DIP2C: variants seen among roughly 807,000 people sequenced by gnomAD.
The protein encoded by DIP2C is DIP2 acetate--CoA ligase C (putative).
In DIP2C, 33 loss-of-function variants were observed where a neutral mutation model predicts 192.4. The observed-to-expected ratio is 0.17, with a 90% CI of 0.13 to 0.23. The LOEUF is 0.23. Among genes scored for constraint, DIP2C ranks in the 10% least tolerant of loss-of-function variants. DIP2C has a pLI of 1.00. For synonymous variants in DIP2C, 979 were observed against 864.1 expected (o/e 1.13, Z -2.33); for missense variants, 1,537 against 2,110.1 (o/e 0.73, Z 5.32).
chr10:488,961 T>G (rs1378374973), intron 1 of DIP2C, among the ~76,000 whole-genome samples: 1 of 151,710 alleles, frequency 6.6e-6, no homozygotes, highest in Non-Finnish European at 1.5e-5. Context: ...TGGCTGGGAG[T>G]GCGCTGAAGA....
intron 1 of DIP2C, among the ~76,000 whole-genome samples, chr10:594,650 G>A (rs553038434): frequency 6.7e-6 from 1 of 149,306 alleles, no homozygotes; most frequent in Non-Finnish European, 1.5e-5. Flanking sequence ...GTGCTTTCTC[G>A]AGTCCCTGGC....
chr10:621,820 T>C (rs1229793583), intron 1 of DIP2C, among the ~76,000 whole-genome samples: 1 of 152,102 alleles, frequency 6.6e-6, no homozygotes, highest in East Asian at 1.9e-4. Flanking sequence ...GCGGCTGACA[T>C]CATCAAACAA....
At chr10:395,929 T>C (rs1963950948) in intron 10 of DIP2C, among the ~76,000 whole-genome samples, 1 of 152,194 alleles carries the variant, frequency 6.6e-6, no homozygotes, top group African/African-American at 2.4e-5. Flanking sequence ...CTATGCTCCC[T>C]GCCCTCGGAC....
chr10:557,509 T>C (rs915724680), intron 1 of DIP2C, among the ~76,000 whole-genome samples: 4 of 151,230 alleles, frequency 2.6e-5, no homozygotes, highest in Admixed American at 1.3e-4. Flanking sequence ...GGCTGTCTCA[T>C]CTGTTCCCAC....
rs1564502093 is a variant in DIP2C at position 283,162 on chromosome 10, G to A, written c.4294+110C>T. On this transcript the variant is annotated intron_variant, in intron 35 of 36. Coordinates refer to ENST00000280886, the MANE Select transcript of DIP2C (RefSeq NM_014974.3). ...TCACACTGGGTTGTAGCTAGCACACGTGCCCTCCTGGCTTTGGCTGCTGTA... is the reference window on the plus strand; with the variant it reads ...TCACACTGGGTTGTAGCTAGCACACATGCCCTCCTGGCTTTGGCTGCTGTA... The A allele has an allele frequency of 7.8e-6, 11 of 1,410,982 alleles. No individual in the cohort carries two copies. The South Asian group carries it at 9.6e-5, about 12-fold the overall frequency. The allele number at this position is 1,410,982 out of a possible 1,614,324, so 87.4% of individuals were successfully genotyped here.
At chr10:418,954 T>C in intron 6 of DIP2C, 111 bp downstream of exon 6, 1 of 1,508,764 alleles carries the variant, frequency 6.6e-7, no homozygotes, top group Non-Finnish European at 8.9e-7. Flanking sequence ...AAATTGGCTT[T>C]GTCAGAACCG....
intron 3 of DIP2C, among the ~76,000 whole-genome samples, chr10:441,872 G>A (rs777913549): frequency 2.7e-5 from 4 of 150,508 alleles, no homozygotes; most frequent in African/African-American, 9.7e-5. Flanking sequence ...GGCTGGGAAC[G>A]CAGTGGTGAT....
At chr10:331,802 C>T (rs1378408741) in intron 29 of DIP2C, among the ~76,000 whole-genome samples, 1 of 152,198 alleles carries the variant, frequency 6.6e-6, no homozygotes, top group East Asian at 1.9e-4. Flanking sequence ...GGGTTAGGCA[C>T]ATAAGGGGTG....
rs1435282019 is a variant in DIP2C at position 582,473 on chromosome 10, C to CT, written c.86-95944dup. On this transcript the variant is annotated intron_variant, in intron 1 of 36. Transcript: ENST00000280886. The stretch of plus-strand genomic sequence containing the variant: ...TGGTGCGCGCCTGAGGTCCCAGCTA[C>CT]TTGGGGGACTGAGGTGGGAGGATCG... Among the ~76,000 whole-genome samples, 4 of 152,324 alleles carry CT rather than the reference C, an allele frequency of 2.6e-5. No homozygotes were observed. The East Asian group carries it at 7.7e-4, about 29-fold the overall frequency.
At chr10:578,596 T>C (rs918552161) in intron 1 of DIP2C, among the ~76,000 whole-genome samples, 4 of 152,216 alleles carry the variant, frequency 2.6e-5, no homozygotes, top group African/African-American at 4.8e-5. Flanking sequence ...TAGCTTGTAA[T>C]GAACAACTGT....
chr10:381,141 CTG>C (rs1466553876), intron 17 of DIP2C, among the ~76,000 whole-genome samples: 1 of 152,086 alleles, frequency 6.6e-6, no homozygotes, highest in African/African-American at 2.4e-5. Flanking sequence ...ATTTTCACCA[CTG>C]AGATAGAGTT....
intron 1 of DIP2C, among the ~76,000 whole-genome samples, chr10:541,956 A>AG (rs79520594): frequency 6.6e-6 from 1 of 152,100 alleles, no homozygotes; most frequent in African/African-American, 2.4e-5. Context: ...GAGCCTTGTC[A>AG]GGGGCCTCTG....
chr10:353,118 G>A (rs1465302743), intron 24 of DIP2C, among the ~76,000 whole-genome samples: 2 of 152,106 alleles, frequency 1.3e-5, no homozygotes, highest in Non-Finnish European at 2.9e-5. Context: ...TCAGAGAAAT[G>A]AGGGCTGGCT....
intron 1 of DIP2C, among the ~76,000 whole-genome samples, chr10:553,963 C>T (rs1178877807): frequency 1.4e-5 from 2 of 146,586 alleles, no homozygotes; most frequent in African/African-American, 2.6e-5. Flanking sequence ...ATAGAAAAAA[C>T]GTATACGCTT....
intron 1 of DIP2C, among the ~76,000 whole-genome samples, chr10:511,209 C>T (rs1016019535): frequency 6.6e-6 from 1 of 152,200 alleles, no homozygotes; most frequent in African/African-American, 2.4e-5. Context: ...CAGGAGAGAG[C>T]AGCAGGTGCC....
At chr10:416,913 C>A (rs1475163926) in intron 6 of DIP2C, among the ~76,000 whole-genome samples, 1 of 152,180 alleles carries the variant, frequency 6.6e-6, no homozygotes, top group African/African-American at 2.4e-5. Context: ...CGCCCCCGCA[C>A]TGGACCATAA....
chr10:321,670 C>T (rs1957035101), intron 31 of DIP2C, among the ~76,000 whole-genome samples: 1 of 40,842 alleles, frequency 2.4e-5, no homozygotes, highest in Non-Finnish European at 4.1e-5. Context: ...AACAGTCAGT[C>T]GGGGGTGCGG....
Position 656,946 on chromosome 10 carries a change from G to A in DIP2C, c.85+32548C>T, listed in dbSNP as rs576499494. ...TTAACATCCACTGTGAGGAACTCAA[G>A]GAGAAATGGCAGTAGGCTCTACTAA... On this transcript the variant is annotated intron_variant, in intron 1 of 36. Coordinates refer to ENST00000280886, the MANE Select transcript of DIP2C (RefSeq NM_014974.3). Among the ~76,000 whole-genome samples, 4 of 152,344 alleles carry A rather than the reference G, an allele frequency of 2.6e-5. No individual in the cohort carries two copies. The South Asian group carries it at 8.3e-4, about 32-fold the overall frequency.
chr10:499,380 C>CG (rs1331016527), intron 1 of DIP2C, among the ~76,000 whole-genome samples: 2 of 152,216 alleles, frequency 1.3e-5, no homozygotes, highest in African/African-American at 4.8e-5. Flanking sequence ...CTATAAAGAA[C>CG]TGCCCAAGAC....
Sources: gnomAD v4.1 joint callset for allele counts (sites outside exome capture counted in the v4.1 genomes callset) on GRCh38, gnomAD v4.1.1 for gene constraint, MANE v1.5 for transcripts, NCBI Gene and HGNC (gene_info 2026-07-23, HGNC 2026-07-21) for gene names.